Variants in RHOD observed in about 807,000 individuals in gnomAD.
RHOD encodes the protein ras homolog family member D.
A neutral mutation model predicts 16.7 loss-of-function variants in RHOD; 11 were observed. That is an observed-to-expected ratio of 0.66 (90% CI 0.41 to 1.09). RHOD has a LOEUF of 1.09. RHOD is among the 50% of genes least tolerant of loss of function. The pLI, the probability that RHOD is intolerant of heterozygous loss-of-function variation, is 0.00. For synonymous variants in RHOD, 124 were observed against 126.3 expected, an observed-to-expected ratio of 0.98 and a Z score of 0.12; for missense variants, 271 against 291.7, an observed-to-expected ratio of 0.93 and a Z score of 0.52.
chr11:67,065,840 T>A (rs146176163), intron 1 of RHOD, 56 bp from the exon 2 acceptor site: 3 of 1,198,502 alleles, frequency 2.5e-6, no homozygotes, highest in Non-Finnish European at 2.5e-6. Context: ...ACAGACCAAG[T>A]CCCCAGTGCC....
At chr11:67,068,408 G>A (rs1457132458) in intron 3 of RHOD, among the ~76,000 whole-genome samples, 4 of 152,160 alleles carry the variant, frequency 2.6e-5, no homozygotes, top group African/African-American at 9.7e-5. Flanking sequence ...ATAAGACCTA[G>A]GAGAGCCAGG....
intron 1 of RHOD, 50 bp from the exon 2 acceptor site, chr11:67,065,846 G>A (rs377161633): frequency 2.4e-5 from 31 of 1,284,482 alleles, no homozygotes; most frequent in Non-Finnish European, 3.3e-5. Context: ...CAAGTCCCCA[G>A]TGCCTCTCCG....
chr11:67,059,036 G>A (rs1473708708), intron 1 of RHOD, among the ~76,000 whole-genome samples: 1 of 152,174 alleles, frequency 6.6e-6, no homozygotes, highest in Non-Finnish European at 1.5e-5. Flanking sequence ...TGTCCTTGAT[G>A]GTGAGACCAT....
At position 67,065,987 on chromosome 11, in the gene RHOD, G is replaced by A; in HGVS notation, c.220+4G>A. ...CTCCACATCTGGGACACAGCAGGTG[G>A]GTGTGCAGGGGTGGGGCAGGGTGGG... On this transcript the variant is annotated splice_donor_region_variant and intron_variant, in intron 2 of 4. Coordinates refer to ENST00000308831, the MANE Select transcript of RHOD (RefSeq NM_014578.4). 1 of 1,593,084 alleles carries A rather than the reference G, an allele frequency of 6.3e-7. No homozygotes were observed. Among genetic ancestry groups the A allele is most frequent in the Non-Finnish European group, 8.6e-7 (1 of 1,161,376 alleles).
In RHOD at chr11:67,071,633, G is replaced by A. The variant is rs1281618637; in HGVS notation, c.*31G>A. 6.4e-7 allele frequency: 1 copy of A among 1,552,450 alleles called. No individual in the cohort carries two copies. Among genetic ancestry groups the A allele is most frequent in the Non-Finnish European group, 8.7e-7 (1 of 1,147,978 alleles). On this transcript the variant is annotated 3_prime_UTR_variant, in exon 5 of 5. Coordinates refer to ENST00000308831, the MANE Select transcript of RHOD (RefSeq NM_014578.4). ...TCGGGGCGTCCCAGCGACGCGGGAA[G>A]GGGCAGGGCGCTGACCTGCTGCTGA...
At chr11:67,059,473 G>A (rs1038334902) in intron 1 of RHOD, among the ~76,000 whole-genome samples, 2 of 152,094 alleles carry the variant, frequency 1.3e-5, no homozygotes, top group South Asian at 4.1e-4. Flanking sequence ...AACTCAGGAG[G>A]TGGAGGTTGC....
chr11:67,067,735 G>A (rs1295465486), intron 3 of RHOD, among the ~76,000 whole-genome samples: 4 of 152,254 alleles, frequency 2.6e-5, no homozygotes, highest in East Asian at 3.9e-4. Context: ...TCTAGAAGGC[G>A]GAGTTTGCTG....
chr11:67,065,354 G>A (rs12224756), intron 1 of RHOD, among the ~76,000 whole-genome samples: 6,002 of 151,980 alleles, frequency 0.039, 155 homozygotes, highest in African/African-American at 0.077. Flanking sequence ...GATTACAGGC[G>A]TGAGCCAGCA....
chr11:67,058,886 C>A (rs959393709), intron 1 of RHOD, among the ~76,000 whole-genome samples: 4 of 152,096 alleles, frequency 2.6e-5, no homozygotes, highest in African/African-American at 7.2e-5. Context: ...TGTTTCTGGG[C>A]CCCTAGATGC....
At chr11:67,059,255 A>G (rs1415903059) in intron 1 of RHOD, among the ~76,000 whole-genome samples, 1 of 152,194 alleles carries the variant, frequency 6.6e-6, no homozygotes, top group South Asian at 2.1e-4. Context: ...AGAACCCACA[A>G]TGGGCCGGGC....
intron 4 of RHOD, 145 bp from the exon 5 acceptor site, chr11:67,071,290 A>T: frequency 1.8e-6 from 1 of 547,384 alleles, no homozygotes; most frequent in Non-Finnish European, 3.0e-6. Flanking sequence ...GATGAAGTGC[A>T]TGAGGGCGCT....
intron 3 of RHOD, among the ~76,000 whole-genome samples, chr11:67,069,410 G>A (rs1389929387): frequency 6.6e-6 from 1 of 151,552 alleles, no homozygotes; most frequent in Middle Eastern, 3.5e-3. Flanking sequence ...CCAGGCTGGA[G>A]TGCAGTGGCT....
In RHOD at chr11:67,070,441, A is replaced by C; in HGVS notation, c.347A>C (p.Asn116Thr). The C allele has an allele frequency of 1.2e-6, 2 of 1,613,150 alleles. No homozygotes were observed. The highest frequency in any genetic ancestry group is 1.7e-6 in the Non-Finnish European group (2 of 1,179,506). The change falls in exon 4 of 5, where the codon AAT (asparagine) becomes ACT (threonine). Residue 116 changes from asparagine to threonine, a missense_variant. Coordinates refer to ENST00000308831, the MANE Select transcript of RHOD (RefSeq NM_014578.4). ...CCCCTGCAGTGGTACCCAGAAGTGA[A>C]TCATTTCTGCAAGAAGGTACCCATC... Reference protein sequence around the residue: ...NIFNRWYPEVNHFCKKVPIIV... With the variant: ...NIFNRWYPEVTHFCKKVPIIV...
chr11:67,069,331 T>C (rs1348619486), intron 3 of RHOD, among the ~76,000 whole-genome samples: 1 of 152,080 alleles, frequency 6.6e-6, no homozygotes, highest in East Asian at 1.9e-4. Flanking sequence ...GGCAGACAGC[T>C]GCTGCAACCA....
chr11:67,062,803 C>A (rs751079825), intron 1 of RHOD, among the ~76,000 whole-genome samples: 7 of 152,110 alleles, frequency 4.6e-5, no homozygotes, highest in Non-Finnish European at 1.0e-4. Flanking sequence ...AGACTGTGGC[C>A]CCATCAACCA....
At chr11:67,061,820 A>ATGTG (rs372226128) in intron 1 of RHOD, among the ~76,000 whole-genome samples, 9 of 127,068 alleles carry the variant, frequency 7.1e-5, no homozygotes, top group Non-Finnish European at 1.1e-4. Context: ...GTATATATAT[A>ATGTG]TGTGTGTGTG....
At chr11:67,061,619 C>T (rs1167648128) in intron 1 of RHOD, among the ~76,000 whole-genome samples, 5 of 126,170 alleles carry the variant, frequency 4.0e-5, no homozygotes, top group Non-Finnish European at 8.0e-5. Context: ...GCAACAAGAG[C>T]GAAACTCTGT....
chr11:67,066,001 G>C lies in RHOD; in HGVS notation c.220+18G>C. On this transcript the variant is annotated intron_variant, in intron 2 of 4. Transcript: ENST00000308831. ...CACAGCAGGTGGGTGTGCAGGGGTG[G>C]GGCAGGGTGGGAGGGGCTTCTGTGG... 1 of 1,446,262 alleles carries C rather than the reference G, an allele frequency of 6.9e-7. No homozygotes were observed. Among genetic ancestry groups the C allele is most frequent in the Non-Finnish European group, 9.7e-7 (1 of 1,029,390 alleles). The allele number at this position is 1,446,262 out of a possible 1,614,324, so 89.6% of individuals were successfully genotyped here.
intron 1 of RHOD, 81 bp downstream of exon 1, chr11:67,057,115 G>A: frequency 1.5e-6 from 2 of 1,323,594 alleles, no homozygotes; most frequent in East Asian, 3.2e-5. Context: ...GGCCCAGGCT[G>A]TGCGCCTAAC....
Sources: gnomAD v4.1 joint callset for allele counts (sites outside exome capture counted in the v4.1 genomes callset) on GRCh38, gnomAD v4.1.1 for gene constraint, MANE v1.5 for transcripts, NCBI Gene and HGNC (gene_info 2026-07-23, HGNC 2026-07-21) for gene names.